Variants in RAD51B observed in about 807,000 individuals in gnomAD.
RAD51B encodes the protein RAD51 paralog B, also known as DNA repair protein RAD51 homolog 2.
In RAD51B, 38 loss-of-function variants were observed where a neutral mutation model predicts 42.2. The observed-to-expected ratio is 0.90, with a 90% CI of 0.70 to 1.18. The LOEUF is 1.18. RAD51B is among the 50% of genes most tolerant of loss of function. The probability of loss-of-function intolerance (pLI) is 0.00; values close to 1 mark genes in which losing one functional copy is unlikely to be tolerated. For missense variants in RAD51B, 373 were observed against 400.7 expected, an observed-to-expected ratio of 0.93 and a Z score of 0.59; for synonymous variants, 154 against 145.2, an observed-to-expected ratio of 1.06 and a Z score of -0.43.
intron 10 of RAD51B, among the ~76,000 whole-genome samples, chr14:68,548,188 C>T (rs1016131133): frequency 6.6e-6 from 1 of 152,206 alleles, no homozygotes; most frequent in South Asian, 2.1e-4. Context: ...GCTTCCTCAC[C>T]CACCACCCCT....
At chr14:68,362,840 T>C (rs958576089) in intron 8 of RAD51B, among the ~76,000 whole-genome samples, 3 of 151,356 alleles carry the variant, frequency 2.0e-5, no homozygotes, top group African/African-American at 7.3e-5. Flanking sequence ...CAGAGTGAGA[T>C]TCCGTCTCAA....
At chr14:67,942,690 G>C (rs1011317449) in intron 7 of RAD51B, among the ~76,000 whole-genome samples, 2 of 152,166 alleles carry the variant, frequency 1.3e-5, no homozygotes, top group African/African-American at 4.8e-5. Flanking sequence ...TACAAAGCCT[G>C]CCAAATCTTC....
chr14:68,450,731 A>G (rs141168776), intron 9 of RAD51B, among the ~76,000 whole-genome samples: 6 of 152,344 alleles, frequency 3.9e-5, no homozygotes, highest in Non-Finnish European at 5.9e-5. Flanking sequence ...TGGTATTTAC[A>G]TAATCAGAAA....
At chr14:67,849,776 G>T (rs940611540) in intron 4 of RAD51B, among the ~76,000 whole-genome samples, 2 of 152,022 alleles carry the variant, frequency 1.3e-5, no homozygotes, top group African/African-American at 2.4e-5. Context: ...TTCCTGGATT[G>T]TTTTATTAGA....
chr14:68,303,289 G>T (rs1410544318), intron 8 of RAD51B, among the ~76,000 whole-genome samples: 2 of 152,052 alleles, frequency 1.3e-5, no homozygotes, highest in Admixed American at 6.6e-5. Flanking sequence ...CATGGACACG[G>T]GGAGAGAAAC....
chr14:68,636,779 C>G (rs1892349818), intron 10 of RAD51B, among the ~76,000 whole-genome samples: 1 of 152,118 alleles, frequency 6.6e-6, no homozygotes, highest in Non-Finnish European at 1.5e-5. Context: ...CCCTGATCTT[C>G]AAATCAAGAT....
At chr14:68,513,358 T>C (rs1885886455) in intron 10 of RAD51B, among the ~76,000 whole-genome samples, 1 of 152,256 alleles carries the variant, frequency 6.6e-6, no homozygotes, top group South Asian at 2.1e-4. Context: ...CTCTACCAAT[T>C]AGTGTTAAGC....
intron 7 of RAD51B, among the ~76,000 whole-genome samples, chr14:68,137,390 A>C (rs910300484): frequency 6.6e-6 from 1 of 152,212 alleles, no homozygotes; most frequent in African/African-American, 2.4e-5. Context: ...TACATAAAAC[A>C]ACCCAAATTT....
intron 10 of RAD51B, among the ~76,000 whole-genome samples, chr14:68,491,760 G>T (rs1884094041): frequency 6.6e-6 from 1 of 152,228 alleles, no homozygotes; most frequent in Non-Finnish European, 1.5e-5. Context: ...ATGCCAGGGG[G>T]CCTGTGAAGA....
chr14:68,399,278 A>G (rs1327072514), intron 8 of RAD51B, among the ~76,000 whole-genome samples: 2 of 134,780 alleles, frequency 1.5e-5, no homozygotes, highest in East Asian at 2.1e-4. Context: ...TTTTTTTGAG[A>G]TGGAGTCTTA....
At chr14:68,541,547 A>G in intron 10 of RAD51B, 1 of 985,478 alleles carries the variant, frequency 1.0e-6, no homozygotes, top group Non-Finnish European at 1.2e-6. Flanking sequence ...CAGAGGGGAA[A>G]GTTGAGTCTA....
At chr14:68,356,750 G>A (rs1456050934) in intron 8 of RAD51B, among the ~76,000 whole-genome samples, 1 of 152,034 alleles carries the variant, frequency 6.6e-6, no homozygotes, top group Non-Finnish European at 1.5e-5. Context: ...GGGAGGCCGA[G>A]GCGGGCGGAT....
chr14:68,178,202 T>TC (rs2078997294), intron 7 of RAD51B, among the ~76,000 whole-genome samples: 1 of 152,178 alleles, frequency 6.6e-6, no homozygotes, highest in East Asian at 1.9e-4. Context: ...AAAAAATTGT[T>TC]TAGCCTGTGG....
At chr14:68,001,527 T>A (rs2140311251) in intron 7 of RAD51B, among the ~76,000 whole-genome samples, 1 of 152,294 alleles carries the variant, frequency 6.6e-6, no homozygotes, top group Admixed American at 6.5e-5. Flanking sequence ...GTTTATTTAT[T>A]TATTTATTTA....
chr14:67,953,605 G>A (rs1237756223), intron 7 of RAD51B, among the ~76,000 whole-genome samples: 1 of 152,048 alleles, frequency 6.6e-6, no homozygotes, highest in Non-Finnish European at 1.5e-5. Context: ...AAAATTAAGG[G>A]GCCATTGCAG....
chr14:67,832,845 G>A (rs1472370984), intron 3 of RAD51B, among the ~76,000 whole-genome samples: 13 of 152,020 alleles, frequency 8.6e-5, no homozygotes, highest in Admixed American at 7.2e-4. Context: ...AACAAAGGGA[G>A]GTTGTCAAAA....
intron 7 of RAD51B, among the ~76,000 whole-genome samples, chr14:67,956,459 C>T (rs2074548933): frequency 6.6e-6 from 1 of 152,074 alleles, no homozygotes; most frequent in Non-Finnish European, 1.5e-5. Context: ...GTACCCCAGC[C>T]TGGGCGACAG....
chr14:68,518,554 G>GCCCCCCCCCCCCCCCCCCC (rs11341781), intron 10 of RAD51B, among the ~76,000 whole-genome samples: 1 of 137,360 alleles, frequency 7.3e-6, no homozygotes. Flanking sequence ...GGTCATATGA[G>GCCCCCCCCCCCCCCCCCCC]CCCCCCCCCC....
At chr14:68,592,950 G>T (rs1283372615) in intron 10 of RAD51B, among the ~76,000 whole-genome samples, 2 of 152,174 alleles carry the variant, frequency 1.3e-5, no homozygotes, top group Non-Finnish European at 2.9e-5. Context: ...CTCAGGGTGG[G>T]ATTCCAGAAC....
Sources: gnomAD v4.1 joint callset for allele counts (sites outside exome capture counted in the v4.1 genomes callset) on GRCh38, gnomAD v4.1.1 for gene constraint, MANE v1.5 for transcripts, NCBI Gene and HGNC (gene_info 2026-07-23, HGNC 2026-07-21) for gene names.